Variants in CASQ2 observed in about 807,000 individuals in gnomAD.
CASQ2 encodes calsequestrin 2.
Under a neutral mutation model 46.5 loss-of-function variants are expected in CASQ2, and 49 were observed. The ratio of observed to expected loss-of-function variants is 1.05; its 90% CI spans 0.84 to 1.34. The LOEUF (loss-of-function observed/expected upper bound fraction) is 1.34. CASQ2 is among the 40% of genes most tolerant of loss of function. CASQ2 has a pLI of 0.00. For missense variants in CASQ2, 486 were observed against 481.3 expected, an observed-to-expected ratio of 1.01 and a Z score of -0.09; for synonymous variants, 174 against 168.5, an observed-to-expected ratio of 1.03 and a Z score of -0.25.
intron 7 of CASQ2, among the ~76,000 whole-genome samples, chr1:115,720,226 G>T (rs1647318804): frequency 6.6e-6 from 1 of 152,136 alleles, no homozygotes; most frequent in Non-Finnish European, 1.5e-5. Flanking sequence ...TCACTGTTAT[G>T]GAGGCTGGGA....
intron 3 of CASQ2, among the ~76,000 whole-genome samples, chr1:115,740,286 T>C (rs2101095018): frequency 6.6e-6 from 1 of 152,286 alleles, no homozygotes; most frequent in Middle Eastern, 3.4e-3. Flanking sequence ...AGTGTGATAC[T>C]GGGGGGCTGT....
At chr1:115,725,745 G>A (rs1647561829) in intron 6 of CASQ2, among the ~76,000 whole-genome samples, 192 bp from the exon 7 acceptor site, 1 of 152,078 alleles carries the variant, frequency 6.6e-6, no homozygotes, top group South Asian at 2.1e-4. Flanking sequence ...CAGACAGCGA[G>A]CTGGGCCAAG....
rs61798520 is a variant in CASQ2 at position 115,755,529 on chromosome 1, G to A, written c.235-10617C>T. On this transcript the variant is annotated intron_variant, in intron 1 of 10. Transcript: ENST00000261448. The stretch of plus-strand genomic sequence containing the variant: ...ATAATGACTGAACGAAGAGATCCTT[G>A]ACTTATTGCTTCCACAGTGCAATAA... Among the ~76,000 whole-genome samples, 779 of 152,276 alleles carry A rather than the reference G, an allele frequency of 5.1e-3. 4 individuals carry two copies. Among genetic ancestry groups the A allele is most frequent in the Non-Finnish European group, 8.4e-3 (570 of 68,016 alleles).
At chr1:115,746,717 CCAGTCCTTTTT>C in intron 1 of CASQ2, among the ~76,000 whole-genome samples, 1 of 151,964 alleles carries the variant, frequency 6.6e-6, no homozygotes, top group Middle Eastern at 3.4e-3. Context: ...TTTTTAAATA[CCAGTCCTTTTT>C]CAGATATATG....
At chr1:115,743,400 T>A (rs1051349164) in intron 2 of CASQ2, among the ~76,000 whole-genome samples, 4 of 152,060 alleles carry the variant, frequency 2.6e-5, no homozygotes, top group Non-Finnish European at 5.9e-5. Context: ...CATGCCACCA[T>A]GCCCAGCTAA....
At chr1:115,745,595 T>C (rs1408225290) in intron 1 of CASQ2, among the ~76,000 whole-genome samples, 3 of 152,122 alleles carry the variant, frequency 2.0e-5, no homozygotes, top group Non-Finnish European at 4.4e-5. Context: ...ATTGGCATTA[T>C]GTTAAGCTTC....
intron 1 of CASQ2, among the ~76,000 whole-genome samples, chr1:115,749,635 G>A (rs774524250): frequency 3.3e-5 from 5 of 152,250 alleles, no homozygotes; most frequent in Middle Eastern, 3.4e-3. Context: ...GGTCACTGCC[G>A]CCAGTCCTAG....
chr1:115,718,037 G>A, intron 7 of CASQ2, 143 bp from the exon 8 acceptor site: 2 of 712,352 alleles, frequency 2.8e-6, no homozygotes, highest in East Asian at 5.3e-5. Flanking sequence ...GAAGCACAGA[G>A]GAGTACAGCG....
chr1:115,754,203 G>A (rs772092194), intron 1 of CASQ2, among the ~76,000 whole-genome samples: 18 of 152,202 alleles, frequency 1.2e-4, no homozygotes, highest in Non-Finnish European at 2.2e-4. Context: ...ATGTGTTCAC[G>A]AAGGAGGCTG....
chr1:115,712,523 T>C (rs1011247327), intron 8 of CASQ2, among the ~76,000 whole-genome samples: 11 of 152,178 alleles, frequency 7.2e-5, no homozygotes, highest in African/African-American at 2.7e-4. Flanking sequence ...CTGTACTTTA[T>C]CATCTGTACA....
intron 7 of CASQ2, among the ~76,000 whole-genome samples, chr1:115,719,716 A>C (rs1647302552): frequency 1.3e-5 from 2 of 152,160 alleles, no homozygotes; most frequent in Admixed American, 1.3e-4. Flanking sequence ...CAAGCTGGCA[A>C]GTTGGGGTTA....
At chr1:115,714,524 A>G (rs1654639795) in intron 8 of CASQ2, among the ~76,000 whole-genome samples, 1 of 152,268 alleles carries the variant, frequency 6.6e-6, no homozygotes, top group African/African-American at 2.4e-5. Flanking sequence ...TCCTGGAGGT[A>G]TGATCTTCTT....
intron 5 of CASQ2, among the ~76,000 whole-genome samples, chr1:115,730,552 G>A (rs1164763486): frequency 2.0e-5 from 3 of 152,114 alleles, no homozygotes; most frequent in African/African-American, 7.2e-5. Context: ...CCAGTTGAAT[G>A]TTTCCCCAAC....
chr1:115,716,756 G>T (rs1246682693), intron 8 of CASQ2, among the ~76,000 whole-genome samples: 1 of 152,208 alleles, frequency 6.6e-6, no homozygotes, highest in African/African-American at 2.4e-5. Flanking sequence ...AAGCTGGCTT[G>T]CCCTCTGGCC....
At chr1:115,752,260 C>T (rs1301405104) in intron 1 of CASQ2, among the ~76,000 whole-genome samples, 3 of 152,170 alleles carry the variant, frequency 2.0e-5, no homozygotes, top group Non-Finnish European at 4.4e-5. Context: ...TTTTCCTTTG[C>T]AACCATTTCA....
At chr1:115,707,107 C>T (rs1467543767) in intron 8 of CASQ2, among the ~76,000 whole-genome samples, 1 of 151,804 alleles carries the variant, frequency 6.6e-6, no homozygotes, top group East Asian at 1.9e-4. Flanking sequence ...GCCTCGACCT[C>T]CCAGGCTCCA....
At chr1:115,758,585 G>A (rs1292774774) in intron 1 of CASQ2, among the ~76,000 whole-genome samples, 5 of 152,192 alleles carry the variant, frequency 3.3e-5, no homozygotes, top group Admixed American at 3.3e-4. Flanking sequence ...GAGGTCTTGG[G>A]GTCATGGAGG....
intron 7 of CASQ2, among the ~76,000 whole-genome samples, chr1:115,719,589 T>G (rs747567335): frequency 2.0e-5 from 3 of 152,174 alleles, no homozygotes; most frequent in Non-Finnish European, 4.4e-5. Context: ...AGCCTGTCAC[T>G]GTGTGCGTCA....
chr1:115,704,745 A>T (rs182289125), intron 9 of CASQ2, among the ~76,000 whole-genome samples: 2 of 152,340 alleles, frequency 1.3e-5, no homozygotes, highest in East Asian at 3.9e-4. Flanking sequence ...AACACGATGA[A>T]CATGACAGGC....
Sources: gnomAD v4.1 joint callset for allele counts (sites outside exome capture counted in the v4.1 genomes callset) on GRCh38, gnomAD v4.1.1 for gene constraint, MANE v1.5 for transcripts, NCBI Gene and HGNC (gene_info 2026-07-23, HGNC 2026-07-21) for gene names.